Variants in FAAH observed in about 807,000 individuals in gnomAD.
FAAH encodes the protein fatty acid amide hydrolase.
Under a neutral mutation model 69.7 loss-of-function variants are expected in FAAH, and 63 were observed. That is an observed-to-expected ratio of 0.90 (90% confidence interval 0.74 to 1.12). FAAH has a LOEUF of 1.12. Ranked by LOEUF, FAAH falls within the 50% of genes most tolerant of loss-of-function variation. FAAH has a pLI of 0.00. For synonymous variants in FAAH, 305 were observed against 324.2 expected, an observed-to-expected ratio of 0.94 and a Z score of 0.64; for missense variants, 680 against 755.0, an observed-to-expected ratio of 0.90 and a Z score of 1.16.
rs931595218 is a variant in FAAH, at chr1:46,411,460, A to C, written c.1317-152A>C. ...TGGGGCCTGATTTTCTCATCCAGAC[A>C]GTAGGGGTTTGAACTTCCCTCTCAG... On this transcript the variant is annotated intron_variant, in intron 11 of 14. Coordinates refer to ENST00000243167, the MANE Select transcript of FAAH (RefSeq NM_001441.3). The surrounding 1 kb of genome is among the most constrained non-coding windows in gnomAD (Gnocchi z 4.8). The C allele has an allele frequency of 9.7e-6, 8 of 824,528 alleles. No individual in the cohort carries two copies. The highest frequency in any genetic ancestry group is 4.4e-4 in the Middle Eastern group (2 of 4,584). 51.1% of individuals were successfully genotyped at this position (824,528 alleles called of 1,614,324 possible).
Position 46,411,353 on chromosome 1 carries a change from G to A in FAAH, c.1317-259G>A, listed in dbSNP as rs1569824939. 6.6e-6 allele frequency among the ~76,000 whole-genome samples: 1 copy of A among 152,214 alleles called. No homozygotes were observed. Among genetic ancestry groups the A allele is most frequent in the Non-Finnish European group, 1.5e-5 (1 of 68,042 alleles). Reference sequence around the variant, plus strand: ...ACTGGCAGCAGCTATGGCCTCTCCCGTGTCCTGAGGGTAGCGAGGAATCGG... The same window carrying A: ...ACTGGCAGCAGCTATGGCCTCTCCCATGTCCTGAGGGTAGCGAGGAATCGG... On this transcript the variant is annotated intron_variant, in intron 11 of 14. Coordinates refer to ENST00000243167, the MANE Select transcript of FAAH (RefSeq NM_001441.3). This position sits in a 1 kb window ranked among gnomAD's most constrained non-coding sequence, Gnocchi z 4.8.
intron 13 of FAAH, 95 bp from the exon 14 acceptor site, chr1:46,412,977 TAGA>T: frequency 7.0e-7 from 1 of 1,436,922 alleles, no homozygotes; most frequent in Non-Finnish European, 9.7e-7. Context: ...TCTCTGGCTG[TAGA>T]CACAGGGTGC....
chr1:46,399,048 T>G (rs1664651316), intron 1 of FAAH, among the ~76,000 whole-genome samples: 2 of 152,196 alleles, frequency 1.3e-5, no homozygotes, highest in South Asian at 4.1e-4. Flanking sequence ...AGGACCACCA[T>G]CAATAGAATA....
intron 7 of FAAH, among the ~76,000 whole-genome samples, chr1:46,407,875 G>T (rs188890214): frequency 6.6e-6 from 1 of 152,212 alleles, no homozygotes; most frequent in Non-Finnish European, 1.5e-5. Flanking sequence ...CCCAGCCAAG[G>T]TTGCCTTGGA....
Position 46,412,305 on chromosome 1 carries a change from A to G in FAAH, c.1465+54A>G, listed in dbSNP as rs559125622. 9.4e-5 allele frequency: 135 copies of G among 1,431,004 alleles called. No individual in the cohort carries two copies. The South Asian group carries it at 1.6e-3, about 17-fold the overall frequency. 88.6% of individuals were successfully genotyped at this position (1,431,004 alleles called of 1,614,324 possible). ...CTGTGAATCTGGCCATGTGCCCTGC[A>G]GGGCTGCGAGGAAATGGAAGAAGAG... On this transcript the variant is annotated intron_variant, in intron 13 of 14. Coordinates refer to ENST00000243167, the MANE Select transcript of FAAH (RefSeq NM_001441.3).
chr1:46,396,478 G>A (rs866399397), intron 1 of FAAH, among the ~76,000 whole-genome samples: 6 of 152,160 alleles, frequency 3.9e-5, no homozygotes, highest in African/African-American at 7.2e-5. Flanking sequence ...CCACAAGGCC[G>A]TATCTCAGGC....
In FAAH at chr1:46,400,413, CGTGTGACCTAGGAGACAA is replaced by C. The variant is rs549953010; in HGVS notation, c.196-1676_196-1659del. Among the ~76,000 whole-genome samples the C allele has an allele frequency of 6.6e-3, 997 of 152,058 alleles. 12 individuals are homozygous for C. The highest frequency in any genetic ancestry group is 0.041 in the Middle Eastern group (12 of 294). On this transcript the variant is annotated intron_variant, in intron 1 of 14. Transcript: ENST00000243167. ...GGGCAGGGCAGCAGTTGGGTGGCCG[CGTGTGACCTAGGAGACAA>C]GGATGAGTCTGAGGCCCGGTGAGGG... is the stretch of plus-strand genomic sequence containing the variant.
Position 46,410,256 on chromosome 1 carries a change from T to G in FAAH, c.1176-142T>G. The G allele has an allele frequency of 8.1e-6, 6 of 739,382 alleles. No individual in the cohort carries two copies. The highest frequency in any genetic ancestry group is 3.7e-5 in the Admixed American group (2 of 53,738). 45.8% of individuals were successfully genotyped at this position (739,382 alleles called of 1,614,324 possible). ...AAAGGATCAGCAGAAACAAACGGCA[T>G]GTTTGGAAGGAGGGAGCTGAGTCTG... On this transcript the variant is annotated intron_variant, in intron 9 of 14. Transcript: ENST00000243167. This position sits in a 1 kb window ranked among gnomAD's most constrained non-coding sequence, Gnocchi z 4.9.
chr1:46,408,687 A>G lies in FAAH; in HGVS notation c.1077+103A>G, dbSNP rs78068855. 1.7e-3 allele frequency: 2,742 copies of G among 1,574,964 alleles called. 31 individuals are homozygous for G. The East Asian group carries it at 0.021, about 12-fold the overall frequency. On this transcript the variant is annotated intron_variant, in intron 8 of 14. Coordinates refer to ENST00000243167, the MANE Select transcript of FAAH (RefSeq NM_001441.3). ...TCCCTGGCATCCTGGCACTCTGACG[A>G]TGTTGTCGTCGGGGTGAACTGTGAC...
intron 14 of FAAH, 59 bp downstream of exon 14, chr1:46,413,279 G>A (rs1664950341): frequency 6.2e-7 from 1 of 1,612,990 alleles, no homozygotes; most frequent in Admixed American, 1.7e-5. Context: ...TGGCCGCTGT[G>A]GAGGAAACAG....
Position 46,406,020 on chromosome 1 carries a change from C to CT in FAAH, c.786-16dup. 1 of 1,614,150 alleles carries CT rather than the reference C, an allele frequency of 6.2e-7. No homozygotes were observed. The highest frequency in any genetic ancestry group is 8.5e-7 in the Non-Finnish European group (1 of 1,180,028). ...GGTGGCCATTTCCTGTTTCCAGCAT[C>CT]TTATGTTTCTTATCCAGCAAGAGTG... is the stretch of plus-strand genomic sequence containing the variant. On this transcript the variant is annotated splice_polypyrimidine_tract_variant and intron_variant, in intron 5 of 14. Coordinates refer to ENST00000243167, the MANE Select transcript of FAAH (RefSeq NM_001441.3).
chr1:46,394,477 G>C lies in FAAH; in HGVS notation c.129G>C (p.Arg43=). 1 of 1,392,290 alleles carries C rather than the reference G, an allele frequency of 7.2e-7. No homozygotes were observed. The highest frequency in any genetic ancestry group is 9.3e-7 in the Non-Finnish European group (1 of 1,079,304). 86.2% of individuals were successfully genotyped at this position (1,392,290 alleles called of 1,614,324 possible). A position where few individuals can be genotyped will look rare whatever the true frequency, so the allele number is the denominator to read the frequency against. Residue 43 remains arginine (R), a synonymous_variant, in exon 1 of 15, where the codon CGG becomes CGC. Coordinates refer to ENST00000243167, the MANE Select transcript of FAAH (RefSeq NM_001441.3). ...GGACGGCGCGGGGCGCGGTGGTCCGGGCGCGACAGAGGCAGCGAGCGGGCC... is the reference window on the plus strand; with the variant it reads ...GGACGGCGCGGGGCGCGGTGGTCCGCGCGCGACAGAGGCAGCGAGCGGGCC... ...GRRTARGAVV[R]ARQRQRAGLE...
intron 8 of FAAH, 55 bp from the exon 9 acceptor site, chr1:46,409,046 G>A: frequency 2.1e-6 from 3 of 1,444,270 alleles, no homozygotes; most frequent in South Asian, 2.3e-5. Context: ...GACAGCATGG[G>A]GATCATGAAG....
intron 9 of FAAH, among the ~76,000 whole-genome samples, chr1:46,409,835 T>C (rs1664873427): frequency 6.6e-6 from 1 of 152,150 alleles, no homozygotes; most frequent in South Asian, 2.1e-4. Context: ...CCCTGCAGCC[T>C]GGAGCTTGGC....
intron 2 of FAAH, among the ~76,000 whole-genome samples, chr1:46,403,386 C>T (rs759940640): frequency 5.3e-5 from 8 of 152,186 alleles, no homozygotes; most frequent in Non-Finnish European, 8.8e-5. Flanking sequence ...CGTGAGCCAC[C>T]GCGCCTGGCC....
intron 13 of FAAH, among the ~76,000 whole-genome samples, chr1:46,412,610 G>A (rs1664936985): frequency 6.6e-6 from 1 of 152,172 alleles, no homozygotes; most frequent in South Asian, 2.1e-4. Context: ...AGGAGCTCAA[G>A]AGCAGTCCAG....
Position 46,411,494 on chromosome 1 carries a change from T to C in FAAH, c.1317-118T>C. 9.2e-7 allele frequency: 1 copy of C among 1,081,132 alleles called. No homozygotes were observed. The highest frequency in any genetic ancestry group is 1.4e-6 in the Non-Finnish European group (1 of 715,300). 67.0% of individuals were successfully genotyped at this position (1,081,132 alleles called of 1,614,324 possible). On this transcript the variant is annotated intron_variant, in intron 11 of 14. Coordinates refer to ENST00000243167, the MANE Select transcript of FAAH (RefSeq NM_001441.3). This position sits in a 1 kb window ranked among gnomAD's most constrained non-coding sequence, Gnocchi z 4.8. ...TTGAACTTCCCTCTCAGAGCTCCCA[T>C]GGGGTTGTGAAGGGTCCACGGAGGG...
intron 12 of FAAH, 128 bp from the exon 13 acceptor site, chr1:46,412,015 C>A: frequency 1.2e-6 from 1 of 821,358 alleles, no homozygotes. Flanking sequence ...CTGTGTCCCA[C>A]TGTGGCTCTG....
Position 46,405,528 on chromosome 1 carries a change from G to T in FAAH, c.578+23G>T. ...CAGGTTGGGTCTTGGGGTGGGGCGG[G>T]GCGGGGCAGGGGCACCGGTCCCAGC... On this transcript the variant is annotated intron_variant, in intron 4 of 14. Transcript: ENST00000243167. This position sits in a 1 kb window ranked among gnomAD's most constrained non-coding sequence, Gnocchi z 4.1. The T allele has an allele frequency of 6.2e-7, 1 of 1,612,818 alleles. No individual in the cohort carries two copies. Among genetic ancestry groups the T allele is most frequent in the East Asian group, 2.2e-5 (1 of 44,876 alleles).
Sources: gnomAD v4.1 joint callset for allele counts (sites outside exome capture counted in the v4.1 genomes callset) on GRCh38, gnomAD v4.1.1 for gene constraint, Gnocchi (gnomAD v3.1) non-coding constraint, MANE v1.5 for transcripts, NCBI Gene and HGNC (gene_info 2026-07-23, HGNC 2026-07-21) for gene names.